The following MAGI1 variants were observed in gnomAD, a reference collection of about 807,000 sequenced individuals.
MAGI1 encodes membrane associated guanylate kinase, WW and PDZ domain containing 1, also known as membrane-associated guanylate kinase, WW and PDZ domain-containing protein 1.
MAGI1 carries 58 observed loss-of-function variants against 139.9 expected under a neutral mutation model. That is an observed-to-expected ratio of 0.41 (90% CI 0.34 to 0.52). The LOEUF is 0.52. MAGI1 is among the 20% of genes least tolerant of loss of function. The pLI is 0.12. For missense variants in MAGI1, 1,874 were observed against 1,901.6 expected (o/e 0.99, Z 0.27); for synonymous variants, 812 against 737.9 (o/e 1.10, Z -1.63).
chr3:65,423,114 G>A (rs1946750408), intron 12 of MAGI1, among the ~76,000 whole-genome samples: 1 of 152,106 alleles, frequency 6.6e-6, no homozygotes, highest in African/African-American at 2.4e-5. Context: ...ATTTGCTGAT[G>A]GGAACATATA....
Position 65,555,417 on chromosome 3 carries a change from G to C in MAGI1, c.431-61786C>G, listed in dbSNP as rs144504394. Among the ~76,000 whole-genome samples the C allele has an allele frequency of 4.6e-3, 705 of 152,330 alleles. 2 individuals carry two copies. Among genetic ancestry groups the C allele is most frequent in the Middle Eastern group, 0.017 (5 of 294 alleles). On this transcript the variant is annotated intron_variant, in intron 2 of 22. Transcript: ENST00000402939. ...TCATATCTCCTCACATTAGGGACAG[G>C]ATATGGCTCCTGTTCTCTGCCTTTT...
intron 1 of MAGI1, among the ~76,000 whole-genome samples, chr3:65,713,363 T>C (rs1433047923): frequency 6.6e-6 from 1 of 152,204 alleles, no homozygotes; most frequent in Non-Finnish European, 1.5e-5. Flanking sequence ...AGCCTTGTAT[T>C]TGAGTAAAAA....
chr3:65,358,982 CAT>C, intron 22 of MAGI1: 4 of 1,253,154 alleles, frequency 3.2e-6, no homozygotes, highest in Non-Finnish European at 4.7e-6. Flanking sequence ...AATTGCCAAA[CAT>C]ATCAAAACAG....
chr3:65,507,541 T>C (rs73128932), intron 2 of MAGI1, among the ~76,000 whole-genome samples: 7,179 of 152,296 alleles, frequency 0.047, 199 homozygotes, highest in Admixed American at 0.087. Flanking sequence ...CCCCCATAAA[T>C]AATGACATCA....
At chr3:65,953,605 C>G (rs1403614681) in intron 1 of MAGI1, among the ~76,000 whole-genome samples, 2 of 152,144 alleles carry the variant, frequency 1.3e-5, no homozygotes, top group African/African-American at 4.8e-5. Flanking sequence ...GAAACCAGCC[C>G]TACAGGTGTA....
At chr3:65,461,528 G>A (rs1231126855) in intron 5 of MAGI1, among the ~76,000 whole-genome samples, 16 of 128,476 alleles carry the variant, frequency 1.2e-4, no homozygotes, top group East Asian at 9.4e-4. Context: ...TCACTCTGTC[G>A]CCCAGGCTGG....
At chr3:65,679,254 C>T (rs1168724147) in intron 1 of MAGI1, among the ~76,000 whole-genome samples, 2 of 152,196 alleles carry the variant, frequency 1.3e-5, no homozygotes, top group African/African-American at 2.4e-5. Flanking sequence ...TACAGTGAGA[C>T]AGGTCTTAAA....
chr3:65,621,940 C>CAG (rs1559728945), intron 2 of MAGI1, 32 bp downstream of exon 2: 2 of 1,453,670 alleles, frequency 1.4e-6, no homozygotes, highest in African/African-American at 1.4e-5. Context: ...CACACACACA[C>CAG]AGCAGTGAGA....
chr3:65,455,886 T>A (rs1284706762), intron 5 of MAGI1, among the ~76,000 whole-genome samples: 2 of 152,232 alleles, frequency 1.3e-5, no homozygotes. Context: ...CATTGCTGAG[T>A]AGTATTCCAT....
intron 1 of MAGI1, among the ~76,000 whole-genome samples, chr3:65,838,703 T>C (rs2058710208): frequency 6.6e-6 from 1 of 152,242 alleles, no homozygotes; most frequent in Non-Finnish European, 1.5e-5. Context: ...GTACAGGTTT[T>C]TGTGTGGACA....
intron 21 of MAGI1, 101 bp from the exon 22 acceptor site, chr3:65,361,438 G>A (rs1274280782): frequency 3.4e-6 from 4 of 1,181,446 alleles, no homozygotes. Flanking sequence ...TTTGGAGGTG[G>A]CAGTGACAAA....
intron 18 of MAGI1, among the ~76,000 whole-genome samples, chr3:65,374,616 C>T (rs1404648449): frequency 6.6e-6 from 1 of 152,128 alleles, no homozygotes; most frequent in African/African-American, 2.4e-5. Context: ...CCGCATTCAG[C>T]CTCAACTTAA....
chr3:65,437,084 T>C (rs1947909076), intron 10 of MAGI1, 71 bp downstream of exon 10: 1 of 1,099,040 alleles, frequency 9.1e-7, no homozygotes, highest in African/African-American at 1.6e-5. Context: ...GATTCCACTT[T>C]TCAAAATACC....
intron 1 of MAGI1, among the ~76,000 whole-genome samples, chr3:65,869,272 C>A (rs78837795): frequency 0.015 from 2,142 of 142,276 alleles, 37 homozygotes; most frequent in East Asian, 0.062. Context: ...AAAAAAAAAA[C>A]AACAACTAAT....
intron 1 of MAGI1, among the ~76,000 whole-genome samples, chr3:65,791,175 C>T (rs1182041442): frequency 2.0e-5 from 3 of 152,212 alleles, no homozygotes; most frequent in African/African-American, 4.8e-5. Flanking sequence ...CTGTCCATGC[C>T]TCCATTACTG....
chr3:65,389,272 A>G (rs1943703774), intron 14 of MAGI1, among the ~76,000 whole-genome samples: 1 of 152,138 alleles, frequency 6.6e-6, no homozygotes, highest in South Asian at 2.1e-4. Context: ...ATTAAGTCAA[A>G]TTCTTAAGAA....
chr3:65,558,391 T>A (rs1161447144), intron 2 of MAGI1, among the ~76,000 whole-genome samples: 1 of 152,146 alleles, frequency 6.6e-6, no homozygotes, highest in African/African-American at 2.4e-5. Flanking sequence ...CAGCACACAA[T>A]GTTTAATCAA....
At chr3:65,618,593 G>A (rs934429662) in intron 2 of MAGI1, among the ~76,000 whole-genome samples, 3 of 151,730 alleles carry the variant, frequency 2.0e-5, no homozygotes, top group South Asian at 4.2e-4. Context: ...ACTCTCAATA[G>A]TCTGTTTGTA....
chr3:65,630,679 G>A (rs2084243250), intron 1 of MAGI1, among the ~76,000 whole-genome samples: 1 of 152,168 alleles, frequency 6.6e-6, no homozygotes, highest in Non-Finnish European at 1.5e-5. Context: ...AAGACATACA[G>A]AGTGATTTAA....
Sources: gnomAD v4.1 joint callset for allele counts (sites outside exome capture counted in the v4.1 genomes callset) on GRCh38, gnomAD v4.1.1 for gene constraint, MANE v1.5 for transcripts, NCBI Gene and HGNC (gene_info 2026-07-23, HGNC 2026-07-21) for gene names.